USP43: variants seen among roughly 807,000 people sequenced by gnomAD.
USP43 encodes the protein ubiquitin specific peptidase 43.
A neutral mutation model predicts 90.7 loss-of-function variants in USP43; 33 were observed. The ratio of observed to expected loss-of-function variants is 0.36; its 90% CI spans 0.28 to 0.49. USP43 has a LOEUF of 0.49. USP43 is among the 20% of genes least tolerant of loss of function. The pLI is 0.98. For missense variants in USP43, 1,274 were observed against 1,476.4 expected (o/e 0.86, Z 2.25); for synonymous variants, 598 against 615.8 (o/e 0.97, Z 0.43).
chr17:9,663,125 T>A (rs1912758084), intron 2 of USP43, among the ~76,000 whole-genome samples: 1 of 150,872 alleles, frequency 6.6e-6, no homozygotes, highest in African/African-American at 2.4e-5. Flanking sequence ...GCCTTATGTT[T>A]TATATATATA....
Position 9,728,565 on chromosome 17 carries a change from C to G in USP43, c.2947C>G (p.Arg983Gly). The G allele has an allele frequency of 1.2e-6, 2 of 1,614,012 alleles. No individual in the cohort carries two copies. Among genetic ancestry groups the G allele is most frequent in the South Asian group, 1.1e-5 (1 of 91,078 alleles). Residue 983 changes from arginine to glycine, a missense_variant, in exon 15 of 15, where the codon CGA (arginine) becomes GGA (glycine). This residue lies in a region of USP43 where 353 missense variants were observed against 329.7 expected (regional missense o/e 1.07). Transcript: ENST00000285199. The surrounding 1 kb of genome is among the most constrained non-coding windows in gnomAD (Gnocchi z 6.2). ...CTCTGGAAACAGCAAAGACAGTCGC[C>G]GAGGCACCTCTGAGCTAGACAGACC... is the stretch of plus-strand genomic sequence containing the variant. ...GFSGNSKDSR[R>G]GTSELDRPLQ...
At chr17:9,715,088 G>A (rs1427002802) in intron 14 of USP43, among the ~76,000 whole-genome samples, 2 of 152,322 alleles carry the variant, frequency 1.3e-5, no homozygotes, top group African/African-American at 4.8e-5. Context: ...GTAGGAGATA[G>A]TAGAGACGCA....
intron 7 of USP43, among the ~76,000 whole-genome samples, chr17:9,685,138 G>T (rs8079769): frequency 2.0e-5 from 3 of 151,836 alleles, no homozygotes; most frequent in Non-Finnish European, 4.4e-5. Flanking sequence ...AACAATGGAC[G>T]CACAGTGCCC....
At chr17:9,702,343 G>A (rs1262005771) in intron 12 of USP43, among the ~76,000 whole-genome samples, 1 of 152,156 alleles carries the variant, frequency 6.6e-6, no homozygotes, top group African/African-American at 2.4e-5. Flanking sequence ...GAGCGAGACC[G>A]TGTCTCCAAA....
rs1911363671 is a variant in USP43 at position 9,645,971 on chromosome 17, C to T, written c.339C>T (p.Asn113=). ...ACCACGGCAACACCTGTTTCATGAACGCGGTGGTGCAGTGTCTCAGCAACA... is the reference window on the plus strand; with the variant it reads ...ACCACGGCAACACCTGTTTCATGAATGCGGTGGTGCAGTGTCTCAGCAACA... ...LKNHGNTCFM[N]AVVQCLSNTD... is the part of the protein sequence containing the mutation. Residue 113 remains asparagine (N), a synonymous_variant, in exon 1 of 15, where the codon AAC becomes AAT. Coordinates refer to ENST00000285199, the MANE Select transcript of USP43 (RefSeq NM_153210.5). The surrounding 1 kb of genome is among the most constrained non-coding windows in gnomAD (Gnocchi z 6.8). 2 of 1,473,310 alleles carry T rather than the reference C, an allele frequency of 1.4e-6. No homozygotes were observed. The highest frequency in any genetic ancestry group is 1.5e-5 in the African/African-American group (1 of 67,254). 91.3% of individuals were successfully genotyped at this position (1,473,310 alleles called of 1,614,324 possible).
At chr17:9,676,429 G>A (rs1040899083) in intron 4 of USP43, among the ~76,000 whole-genome samples, 1 of 152,096 alleles carries the variant, frequency 6.6e-6, no homozygotes, top group African/African-American at 2.4e-5. Flanking sequence ...GAGTGCAGTG[G>A]TGCCATCTCT....
intron 5 of USP43, among the ~76,000 whole-genome samples, chr17:9,678,930 C>T (rs915736891): frequency 1.1e-4 from 16 of 151,936 alleles, no homozygotes; most frequent in Non-Finnish European, 2.2e-4. Flanking sequence ...TGCATAATTA[C>T]GAGTCTAAAG....
chr17:9,662,533 C>T (rs894945216), intron 2 of USP43, among the ~76,000 whole-genome samples: 5 of 152,154 alleles, frequency 3.3e-5, no homozygotes, highest in African/African-American at 7.2e-5. Flanking sequence ...TGGTGAGCTA[C>T]GTCCACAGGT....
intron 4 of USP43, 118 bp downstream of exon 4, chr17:9,675,101 T>G (rs1244535047): frequency 1.5e-5 from 13 of 864,398 alleles, no homozygotes; most frequent in Non-Finnish European, 2.3e-5. Flanking sequence ...AGCATTTCTC[T>G]GGAAACCAGC....
rs1163719033 is a variant in USP43 at position 9,656,389 on chromosome 17, T to G, written c.505-14T>G. On this transcript the variant is annotated splice_polypyrimidine_tract_variant and intron_variant, in intron 1 of 14. Coordinates refer to ENST00000285199, the MANE Select transcript of USP43 (RefSeq NM_153210.5). ...GGGCCAAATTCACCTCTCGATTTCCTTTTTTCCTTTCAGAATGCAGTTTCC... is the reference window on the plus strand; with the variant it reads ...GGGCCAAATTCACCTCTCGATTTCCGTTTTTCCTTTCAGAATGCAGTTTCC... The G allele has an allele frequency of 1.2e-6, 2 of 1,607,348 alleles. No individual in the cohort carries two copies. Among genetic ancestry groups the G allele is most frequent in the Admixed American group, 1.7e-5 (1 of 59,166 alleles).
intron 14 of USP43, among the ~76,000 whole-genome samples, chr17:9,719,664 G>A (rs1240648426): frequency 6.6e-6 from 1 of 152,150 alleles, no homozygotes; most frequent in East Asian, 1.9e-4. Context: ...GCTTTCACAT[G>A]GAGAGAGACT....
At chr17:9,645,352 G>A (rs1465874716), upstream of USP43, 1 of 238,608 alleles carries the variant, frequency 4.2e-6, no homozygotes, top group Non-Finnish European at 8.0e-6. The surrounding 1 kb of genome is among the most constrained non-coding windows in gnomAD (Gnocchi z 6.8). Flanking sequence ...GGTAAGGAAG[G>A]GTGGGGAATC....
chr17:9,715,500 CTGTG>C, intron 14 of USP43, among the ~76,000 whole-genome samples: 1 of 152,058 alleles, frequency 6.6e-6, no homozygotes, highest in African/African-American at 2.4e-5. Context: ...AACTGTATGT[CTGTG>C]TATGTGTGTT....
rs532640354 is a variant in USP43 at position 9,662,383 on chromosome 17, C to T, written c.637-4265C>T. On this transcript the variant is annotated intron_variant, in intron 2 of 14. Coordinates refer to ENST00000285199, the MANE Select transcript of USP43 (RefSeq NM_153210.5). ...ATGTCTCTGCCTGGATATTGAGTCA[C>T]CTCAAACCCAGCATGCCCATCCCAA... Among the ~76,000 whole-genome samples the T allele has an allele frequency of 1.2e-4, 18 of 152,316 alleles. No individual in the cohort carries two copies. The East Asian group carries it at 2.5e-3, about 21-fold the overall frequency.
At chr17:9,676,961 A>G in intron 5 of USP43, 80 bp downstream of exon 5, 1 of 1,534,460 alleles carries the variant, frequency 6.5e-7, no homozygotes, top group East Asian at 2.3e-5. Flanking sequence ...GTTTAGGCCA[A>G]TTTGTGGTTC....
intron 7 of USP43, among the ~76,000 whole-genome samples, chr17:9,684,486 T>C (rs73255792): frequency 0.019 from 2,895 of 152,120 alleles, 67 homozygotes; most frequent in East Asian, 0.07. Flanking sequence ...AGCATCAGCT[T>C]GGCACGGTGG....
intron 14 of USP43, among the ~76,000 whole-genome samples, chr17:9,714,100 C>T (rs148409960): frequency 1.6e-4 from 24 of 152,280 alleles, no homozygotes; most frequent in African/African-American, 5.3e-4. Context: ...GAATCTAATA[C>T]GCCTGCTGAT....
intron 4 of USP43, among the ~76,000 whole-genome samples, chr17:9,676,125 C>T (rs1040978114): frequency 1.4e-4 from 21 of 152,148 alleles, no homozygotes; most frequent in African/African-American, 4.8e-4. Flanking sequence ...AAAAAAACAC[C>T]TTGACTGCTT....
chr17:9,665,265 T>C (rs182568042), intron 2 of USP43, among the ~76,000 whole-genome samples: 1 of 152,286 alleles, frequency 6.6e-6, no homozygotes, highest in African/African-American at 2.4e-5. Context: ...CTGCATCTTG[T>C]AGATGTTGTC....
Sources: gnomAD v4.1 joint callset for allele counts (sites outside exome capture counted in the v4.1 genomes callset) on GRCh38, gnomAD v4.1.1 for gene constraint, gnomAD v4.1.1 regional missense constraint, Gnocchi (gnomAD v3.1) non-coding constraint, MANE v1.5 for transcripts, NCBI Gene and HGNC (gene_info 2026-07-23, HGNC 2026-07-21) for gene names.